IFT80: variants seen among roughly 807,000 people sequenced by gnomAD.
IFT80 encodes the protein intraflagellar transport protein 80 homolog.
Under a neutral mutation model 107.9 loss-of-function variants are expected in IFT80, and 79 were observed. The ratio of observed to expected loss-of-function variants is 0.73; its 90% CI spans 0.61 to 0.88. The LOEUF is 0.88. Among genes scored for constraint, IFT80 ranks in the 40% least tolerant of loss-of-function variants. The probability of loss-of-function intolerance (pLI) is 0.00; values close to 1 mark genes in which losing one functional copy is unlikely to be tolerated. For synonymous variants in IFT80, 299 were observed against 300.9 expected (o/e 0.99, Z 0.07); for missense variants, 797 against 914.2 (o/e 0.87, Z 1.65).
At chr3:160,299,102 T>C in intron 12 of IFT80, 1 of 990,182 alleles carries the variant, frequency 1.0e-6, no homozygotes. Flanking sequence ...CAATCTTAAG[T>C]TTATTGAAAA....
intron 14 of IFT80, among the ~76,000 whole-genome samples, chr3:160,282,212 C>T (rs936967659): frequency 2.6e-4 from 40 of 152,038 alleles, no homozygotes; most frequent in African/African-American, 9.4e-4. Flanking sequence ...GCCCAGGAAG[C>T]GGAGGTTTTG....
intron 1 of IFT80, among the ~76,000 whole-genome samples, chr3:160,394,714 C>A (rs908654704): frequency 6.6e-6 from 1 of 151,304 alleles, no homozygotes; most frequent in South Asian, 2.1e-4. Context: ...TGTGCCACTA[C>A]GCTCCAGCCT....
intron 1 of IFT80, 33 bp from the exon 2 acceptor site, chr3:160,384,679 C>T: frequency 1.3e-6 from 2 of 1,524,134 alleles, no homozygotes; most frequent in Non-Finnish European, 1.8e-6. Flanking sequence ...AATATAAAGT[C>T]AGCATTAAAA....
chr3:160,304,538 C>G (rs1716693015), intron 10 of IFT80, among the ~76,000 whole-genome samples: 1 of 151,504 alleles, frequency 6.6e-6, no homozygotes, highest in Non-Finnish European at 1.5e-5. Context: ...CAGGTTCACG[C>G]CATTCTCCTG....
At chr3:160,370,731 C>G (rs928961994) in intron 5 of IFT80, among the ~76,000 whole-genome samples, 6 of 152,136 alleles carry the variant, frequency 3.9e-5, no homozygotes, top group Non-Finnish European at 7.4e-5. Context: ...CACAGAGCTT[C>G]AAGTTCTACA....
At chr3:160,306,244 T>C (rs77937472) in intron 10 of IFT80, among the ~76,000 whole-genome samples, 2 of 152,044 alleles carry the variant, frequency 1.3e-5, no homozygotes, top group African/African-American at 2.4e-5. Flanking sequence ...CTGCTAAACT[T>C]TGGATATTTT....
intron 8 of IFT80, among the ~76,000 whole-genome samples, chr3:160,323,689 T>C (rs1267123411): frequency 6.6e-6 from 1 of 151,466 alleles, no homozygotes; most frequent in African/African-American, 2.4e-5. Flanking sequence ...AGATCCAAAA[T>C]TGACACCCTA....
chr3:160,365,162 C>T (rs545704111), intron 6 of IFT80, among the ~76,000 whole-genome samples: 1 of 152,130 alleles, frequency 6.6e-6, no homozygotes, highest in South Asian at 2.1e-4. Context: ...AAAACTAGTC[C>T]TCTTTCCCAG....
Position 160,298,586 on chromosome 3 carries a change from AGAAAATTT to A in IFT80, c.1315+2289_1315+2296del, listed in dbSNP as rs1194089952. Among the ~76,000 whole-genome samples the A allele has an allele frequency of 7.7e-5, 11 of 142,116 alleles. No individual in the cohort carries two copies. The South Asian group carries it at 2.3e-3, about 29-fold the overall frequency. The allele number at this position is 142,116 out of a possible 152,430, so 93.2% of individuals were successfully genotyped here. ...TATGTTCCAGATGTGAATTAACTCC[AGAAAATTT>A]CAGAAAATTTCAGAATGTGTTCAGT... On this transcript the variant is annotated intron_variant, in intron 12 of 19. Coordinates refer to ENST00000326448, the MANE Select transcript of IFT80 (RefSeq NM_020800.3).
At position 160,323,088 on chromosome 3, in the gene IFT80, G is replaced by A. The variant is rs1295467096; in HGVS notation, c.778-3149C>T. Among the ~76,000 whole-genome samples, 3 of 150,438 alleles carry A rather than the reference G, an allele frequency of 2.0e-5. No individual in the cohort carries two copies. The East Asian group carries it at 5.8e-4, about 29-fold the overall frequency. ...GGCTTTTGTTGCCATTGCTTTTGGT[G>A]TTTTAGACATGAAGTCCTTGCCCAT... is the stretch of plus-strand genomic sequence containing the variant. On this transcript the variant is annotated intron_variant, in intron 8 of 19. Transcript: ENST00000326448.
chr3:160,313,989 C>G (rs924090850), intron 9 of IFT80, among the ~76,000 whole-genome samples: 1 of 152,082 alleles, frequency 6.6e-6, no homozygotes, highest in African/African-American at 2.4e-5. Context: ...ATTCGCATCA[C>G]CTAATTCTTC....
At chr3:160,376,426 T>C (rs977096651) in intron 4 of IFT80, among the ~76,000 whole-genome samples, 2 of 152,204 alleles carry the variant, frequency 1.3e-5, no homozygotes, top group Admixed American at 6.5e-5. Flanking sequence ...TCCGAACATA[T>C]TTACATGCTG....
At chr3:160,355,960 G>A (rs1449720108) in intron 8 of IFT80, 53 bp downstream of exon 8, 44 of 1,588,864 alleles carry the variant, frequency 2.8e-5, no homozygotes, top group Non-Finnish European at 3.5e-5. Context: ...TGTGTGTTGT[G>A]CATTACCACA....
chr3:160,262,495 A>ATT (rs61130822), intron 19 of IFT80, among the ~76,000 whole-genome samples: 1 of 151,612 alleles, frequency 6.6e-6, no homozygotes, highest in African/African-American at 2.4e-5. Flanking sequence ...AATTTTTTAA[A>ATT]TTTTTTTAGA....
At chr3:160,334,982 T>C (rs1719357615) in intron 8 of IFT80, among the ~76,000 whole-genome samples, 1 of 152,040 alleles carries the variant, frequency 6.6e-6, no homozygotes, top group Non-Finnish European at 1.5e-5. Flanking sequence ...TATTATTGAG[T>C]TGATCATTGC....
chr3:160,325,205 C>A (rs1051351523), intron 8 of IFT80, among the ~76,000 whole-genome samples: 1 of 150,012 alleles, frequency 6.7e-6, no homozygotes, highest in South Asian at 2.1e-4. Flanking sequence ...GCCATACTGC[C>A]CAAGGTAATT....
At chr3:160,375,657 G>A (rs1426299881) in intron 5 of IFT80, among the ~76,000 whole-genome samples, 155 bp downstream of exon 5, 1 of 152,016 alleles carries the variant, frequency 6.6e-6, no homozygotes, top group East Asian at 1.9e-4. Flanking sequence ...ACCAAGCAAA[G>A]AAAGACAAAA....
At chr3:160,288,260 G>C (rs1192441823) in intron 12 of IFT80, among the ~76,000 whole-genome samples, 1 of 152,162 alleles carries the variant, frequency 6.6e-6, no homozygotes, top group African/African-American at 2.4e-5. Context: ...GTGAACCCGG[G>C]AGGCGGAGCT....
At chr3:160,333,190 G>A (rs1031389743) in intron 8 of IFT80, among the ~76,000 whole-genome samples, 9 of 152,274 alleles carry the variant, frequency 5.9e-5, no homozygotes, top group Middle Eastern at 3.4e-3. Flanking sequence ...ATAACTGTAC[G>A]TGACACTTAC....
Sources: allele counts gnomAD v4.1 joint callset (sites outside exome capture counted in the v4.1 genomes callset), GRCh38; gene constraint gnomAD v4.1.1; transcripts MANE v1.5; gene names NCBI Gene and HGNC (gene_info 2026-07-23, HGNC 2026-07-21).